The following PCDHGA2 variants were observed in gnomAD, a reference collection of about 807,000 sequenced individuals.
PCDHGA2 encodes protocadherin gamma-A2.
PCDHGA2 carries 40 observed loss-of-function variants against 59.2 expected under a neutral mutation model. The observed-to-expected ratio is 0.68, with a 90% confidence interval of 0.52 to 0.88. The LOEUF is 0.88. Among genes scored for constraint, PCDHGA2 ranks in the 40% least tolerant of loss-of-function variants. PCDHGA2 has a pLI of 0.00. For missense variants in PCDHGA2, 1,226 were observed against 1,204.0 expected (o/e 1.02, Z -0.27); for synonymous variants, 560 against 526.0 (o/e 1.06, Z -0.89).
At chr5:141,353,619 GT>G (rs1759337292) in intron 1 of PCDHGA2, among the ~76,000 whole-genome samples, 1 of 152,022 alleles carries the variant, frequency 6.6e-6, no homozygotes, top group Non-Finnish European at 1.5e-5. Flanking sequence ...TAAATTATTT[GT>G]TTTTATGCTC....
intron 1 of PCDHGA2, among the ~76,000 whole-genome samples, chr5:141,435,227 G>T (rs1461159947): frequency 1.3e-5 from 2 of 152,030 alleles, no homozygotes; most frequent in African/African-American, 4.8e-5. Context: ...TTCTTTCAAA[G>T]TTCAGTAATT....
intron 1 of PCDHGA2, chr5:141,408,050 G>C: frequency 7.9e-7 from 1 of 1,259,544 alleles, no homozygotes; most frequent in South Asian, 1.6e-5. Context: ...CCCACACAGA[G>C]CCTCCCGGCT....
chr5:141,344,839 C>T lies in PCDHGA2; in HGVS notation c.2424+3444C>T, dbSNP rs970599931. The T allele has an allele frequency of 1.9e-6, 3 of 1,613,836 alleles. No homozygotes were observed. The Admixed American group carries it at 5.0e-5, about 27-fold the overall frequency. On this transcript the variant is annotated intron_variant, in intron 1 of 3. Transcript: ENST00000394576. ...CTGCTCACGGTGAATGCCACTGACC[C>T]TGACGAGGGATTCAATGCTCAAGTG...
In PCDHGA2 at chr5:141,511,149, G is replaced by T; in HGVS notation, c.2775G>T (p.Lys925Asn). The change falls in exon 4 of 4, where the codon AAG becomes AAT. Residue 925 changes from lysine to asparagine, a missense_variant. By Grantham distance (94) the Lys-to-Asn change is moderately conservative. Transcript: ENST00000394576. ...APAGGNGNKKKSGKKEKK is the reference protein window; with the variant it reads ...APAGGNGNKKNSGKKEKK The stretch of plus-strand genomic sequence containing the variant: ...CAGGTGGCAATGGCAACAAGAAGAA[G>T]TCGGGCAAGAAGGAGAAGAAGTAAC... 1 of 1,614,176 alleles carries T rather than the reference G, an allele frequency of 6.2e-7. No homozygotes were observed. The highest frequency in any genetic ancestry group is 8.5e-7 in the Non-Finnish European group (1 of 1,179,998).
In PCDHGA2 at chr5:141,389,561, G is replaced by A. The variant is rs115696241; in HGVS notation, c.2424+48166G>A. On this transcript the variant is annotated intron_variant, in intron 1 of 3. Transcript: ENST00000394576. Reference sequence around the variant, plus strand: ...ACGACCGCAACGACAATGCGCCACGGGTGCTGTACCCCGCGCTGGGTCCCG... The same window carrying A: ...ACGACCGCAACGACAATGCGCCACGAGTGCTGTACCCCGCGCTGGGTCCCG... 3,114 of 1,613,258 alleles carry A rather than the reference G, an allele frequency of 1.9e-3. 62 individuals carry two copies. The African/African-American group carries it at 0.034, about 18-fold the overall frequency.
At chr5:141,420,386 AT>A (rs2096493306) in intron 1 of PCDHGA2, 1 of 1,284,798 alleles carries the variant, frequency 7.8e-7, no homozygotes, top group African/African-American at 1.5e-5. Flanking sequence ...AGTTCGCAAA[AT>A]ATAGGTCAAA....
chr5:141,441,740 G>T (rs1241907865), intron 1 of PCDHGA2: 2 of 364,772 alleles, frequency 5.5e-6, no homozygotes, highest in Non-Finnish European at 1.1e-5. Context: ...ACTAGCTCGC[G>T]CTCGGCGTCA....
intron 1 of PCDHGA2, chr5:141,440,405 CCACTG>C (rs2098176019): frequency 6.6e-6 from 1 of 152,126 alleles, no homozygotes; most frequent in South Asian, 2.1e-4. Flanking sequence ...GGCAATCGCA[CCACTG>C]CACTCCAGCC....
chr5:141,341,696 C>T (rs1036429955), intron 1 of PCDHGA2: 1 of 544,548 alleles, frequency 1.8e-6, no homozygotes, highest in African/African-American at 1.9e-5. Context: ...CATCCCTGGG[C>T]AAATCATCTC....
At chr5:141,387,211 C>T (rs184165131) in intron 1 of PCDHGA2, among the ~76,000 whole-genome samples, 35 of 152,068 alleles carry the variant, frequency 2.3e-4, no homozygotes, top group African/African-American at 7.7e-4. Flanking sequence ...TGATACTCTC[C>T]GGAAAAAGTT....
intron 1 of PCDHGA2, among the ~76,000 whole-genome samples, chr5:141,452,054 C>A (rs578157525): frequency 6.4e-4 from 97 of 152,196 alleles, no homozygotes; most frequent in African/African-American, 2.2e-3. Flanking sequence ...TTTGTAATAA[C>A]TTATTCTACT....
Position 141,432,029 on chromosome 5 carries a change from G to A in PCDHGA2, c.2425-62778G>A. 6.2e-7 allele frequency: 1 copy of A among 1,614,178 alleles called. No individual in the cohort carries two copies. Among genetic ancestry groups the A allele is most frequent in the South Asian group, 1.1e-5 (1 of 91,086 alleles). ...TCCTAGCTACAACATCACAGTGACC[G>A]CCACTGACCGGGGAACCCCGCCCCT... On this transcript the variant is annotated intron_variant, in intron 1 of 3. Coordinates refer to ENST00000394576, the MANE Select transcript of PCDHGA2 (RefSeq NM_018915.4). This position sits in a 1 kb window ranked among gnomAD's most constrained non-coding sequence, Gnocchi z 6.0.
Position 141,477,176 on chromosome 5 carries a change from G to A in PCDHGA2, c.2425-17631G>A. ...GAATGACAACGCCCCGGAGATCACA[G>A]TCACCTCCGTGTACAGCCCAGTACC... On this transcript the variant is annotated intron_variant, in intron 1 of 3. Transcript: ENST00000394576. The surrounding 1 kb of genome is among the most constrained non-coding windows in gnomAD (Gnocchi z 4.9). 2 of 1,614,206 alleles carry A rather than the reference G, an allele frequency of 1.2e-6. No individual in the cohort carries two copies. Among genetic ancestry groups the A allele is most frequent in the Admixed American group, 1.7e-5 (1 of 60,024 alleles).
intron 1 of PCDHGA2, chr5:141,360,246 T>C: frequency 6.2e-7 from 1 of 1,613,890 alleles, no homozygotes; most frequent in Admixed American, 1.7e-5. Flanking sequence ...GCTATTCAAT[T>C]CCAGAGGAGC....
intron 2 of PCDHGA2, among the ~76,000 whole-genome samples, chr5:141,501,032 C>A (rs1370625012): frequency 6.6e-6 from 1 of 151,976 alleles, no homozygotes; most frequent in Non-Finnish European, 1.5e-5. Context: ...CCACGCCCAG[C>A]TAATTTTTGT....
intron 1 of PCDHGA2, chr5:141,344,049 A>G: frequency 6.4e-7 from 1 of 1,557,958 alleles, no homozygotes; most frequent in African/African-American, 1.4e-5. Flanking sequence ...CAATTGCCTG[A>G]GTTTCCGAAA....
At chr5:141,414,290 T>C (rs781378958) in intron 1 of PCDHGA2, 1 of 1,613,272 alleles carries the variant, frequency 6.2e-7, no homozygotes, top group Admixed American at 1.7e-5. Context: ...GTCGTAGCCC[T>C]TTTAAATGTG....
intron 1 of PCDHGA2, chr5:141,352,378 G>A (rs2149768920): frequency 6.2e-7 from 1 of 1,614,008 alleles, no homozygotes; most frequent in Non-Finnish European, 8.5e-7. Context: ...TGATTCTAGC[G>A]ATCGCCCTGC....
intron 1 of PCDHGA2, among the ~76,000 whole-genome samples, chr5:141,450,816 T>C (rs960010807): frequency 7.9e-6 from 1 of 126,568 alleles, no homozygotes; most frequent in Non-Finnish European, 1.6e-5. Context: ...ATTTATTTAA[T>C]ATTATTATTA....
Sources: gnomAD v4.1 joint callset for allele counts (sites outside exome capture counted in the v4.1 genomes callset) on GRCh38, gnomAD v4.1.1 for gene constraint, Gnocchi (gnomAD v3.1) non-coding constraint, MANE v1.5 for transcripts, NCBI Gene and HGNC (gene_info 2026-07-23, HGNC 2026-07-21) for gene names.